Variants in TOE1 observed in about 807,000 individuals in gnomAD.
TOE1 encodes target of EGR1 protein 1.
TOE1 carries 50 observed loss-of-function variants against 49.2 expected under a neutral mutation model. That is an observed-to-expected ratio of 1.02 (90% CI 0.81 to 1.29). The LOEUF (loss-of-function observed/expected upper bound fraction) is 1.29. TOE1 is among the 50% of genes most tolerant of loss of function. TOE1 has a pLI of 0.00. For synonymous variants in TOE1, 221 were observed against 247.0 expected (o/e 0.89, Z 0.99); for missense variants, 544 against 654.4 (o/e 0.83, Z 1.84).
At chr1:45,342,729 G>A (rs1647061938) in intron 6 of TOE1, 86 bp downstream of exon 6, 2 of 1,599,192 alleles carry the variant, frequency 1.3e-6, no homozygotes, top group Non-Finnish European at 1.7e-6. Flanking sequence ...CCTACCATGT[G>A]CCCAGGCAGT....
chr1:45,340,299 C>T lies in TOE1; in HGVS notation c.47C>T (p.Ser16Phe). Residue 16 changes from serine (S) to phenylalanine (F), a missense_variant, in exon 1 of 8, where the codon TCC (serine) becomes TTC (phenylalanine). Coordinates refer to ENST00000372090, the MANE Select transcript of TOE1 (RefSeq NM_025077.4). ...GGCGCAGTTTCAGCTCCCGCAGCTT[C>T]CGACGGTGAGCGGCTTCCCAGAGGT... ...DDGAVSAPAA[S>F]DGGVSKSTTS... The T allele has an allele frequency of 6.2e-7, 1 of 1,613,092 alleles. No individual in the cohort carries two copies. Among genetic ancestry groups the T allele is most frequent in the South Asian group, 1.1e-5 (1 of 90,884 alleles).
At chr1:45,340,360 G>A in intron 1 of TOE1, 56 bp downstream of exon 1, 1 of 1,574,202 alleles carries the variant, frequency 6.4e-7, no homozygotes, top group Non-Finnish European at 8.6e-7. Context: ...GAGAGGGGAA[G>A]GCCTCGGGCT....
chr1:45,341,836 C>T (rs1647006390), intron 4 of TOE1, 113 bp from the exon 5 acceptor site: 7 of 1,174,724 alleles, frequency 6.0e-6, no homozygotes, highest in Non-Finnish European at 8.6e-6. Flanking sequence ...CCTCACCTGC[C>T]TCCATCCTTT....
intron 6 of TOE1, 73 bp from the exon 7 acceptor site, chr1:45,342,770 A>G: frequency 6.2e-7 from 1 of 1,606,684 alleles, no homozygotes; most frequent in African/African-American, 1.3e-5. Flanking sequence ...AGCAGTGAAC[A>G]AAACAGACCA....
At chr1:45,342,261 T>A in intron 5 of TOE1, 123 bp from the exon 6 acceptor site, 1 of 1,498,620 alleles carries the variant, frequency 6.7e-7, no homozygotes, top group Non-Finnish European at 9.1e-7. Flanking sequence ...ATGAGGAGGG[T>A]GGGCAGCATT....
intron 2 of TOE1, 33 bp from the exon 3 acceptor site, chr1:45,341,270 G>T (rs747194106): frequency 7.4e-6 from 12 of 1,614,176 alleles, no homozygotes; most frequent in Middle Eastern, 1.6e-4. Context: ...GGTGCTAGAG[G>T]CCTGTCACAA....
Position 45,343,721 on chromosome 1 carries a change from C to G in TOE1, c.*19C>G. 1 of 1,597,240 alleles carries G rather than the reference C, an allele frequency of 6.3e-7. No individual in the cohort carries two copies. On this transcript the variant is annotated 3_prime_UTR_variant, in exon 8 of 8. Transcript: ENST00000372090. The surrounding 1 kb of genome is among the most constrained non-coding windows in gnomAD (Gnocchi z 4.3). The stretch of plus-strand genomic sequence containing the variant: ...TAGCTGATGCAACTTCCACCTTGCT[C>G]TCAGGTGGAACAGAGGTATTTTGGG...
chr1:45,342,883 C>T lies in TOE1; in HGVS notation c.793C>T (p.His265Tyr). 1.2e-6 allele frequency: 2 copies of T among 1,614,080 alleles called. No homozygotes were observed. The highest frequency in any genetic ancestry group is 1.7e-6 in the Non-Finnish European group (2 of 1,180,022). Residue 265 changes from histidine to tyrosine, a missense_variant, in exon 7 of 8, where the codon CAC becomes TAC. Physicochemically the swap from His to Tyr is moderately conservative, Grantham distance 83 (BLOSUM62 2). Transcript: ENST00000372090. The part of the protein sequence containing the change: ...NGKQRAAGSP[H>Y]LTLEFCNYPS... Reference sequence around the variant, plus strand: ...GAAGCAGCGGGCAGCTGGCAGCCCACACCTTACCCTGGAGTTCTGCAACTA... The same window carrying T: ...GAAGCAGCGGGCAGCTGGCAGCCCATACCTTACCCTGGAGTTCTGCAACTA...
Position 45,342,536 on chromosome 1 carries a change from C to T in TOE1, c.645C>T (p.Thr215=), listed in dbSNP as rs932453883. ...AHLPESLGTF[T]ADLCEMFPAG... ...TCCCTGAGAGTCTGGGAACCTTCAC[C>T]GCTGACCTGTGTGAGATGTTCCCAG... is the stretch of plus-strand genomic sequence containing the variant. Residue 215 remains threonine, a synonymous_variant, in exon 6 of 8, where the codon ACC becomes ACT. Transcript: ENST00000372090. 2.0e-5 allele frequency: 33 copies of T among 1,614,044 alleles called. No individual in the cohort carries two copies. The highest frequency in any genetic ancestry group is 4.0e-5 in the African/African-American group (3 of 74,884).
intron 6 of TOE1, 87 bp downstream of exon 6, chr1:45,342,730 C>A: frequency 6.3e-7 from 1 of 1,598,740 alleles, no homozygotes; most frequent in East Asian, 2.2e-5. Flanking sequence ...CTACCATGTG[C>A]CCAGGCAGTG....
Position 45,342,400 on chromosome 1 carries a change from G to A in TOE1, c.509G>A (p.Ser170Asn), listed in dbSNP as rs1441675949. 6 of 1,614,036 alleles carry A rather than the reference G, an allele frequency of 3.7e-6. No homozygotes were observed. The highest frequency in any genetic ancestry group is 1.7e-5 in the Admixed American group (1 of 60,008). Reference protein sequence around the residue: ...KGNDKGDESQSQSVRTLFLEL... With the variant: ...KGNDKGDESQNQSVRTLFLEL... ...TTCATCTAGGGTGATGAGAGCCAGA[G>A]CCAGTCAGTACGGACCCTATTCCTG... Residue 170 changes from serine to asparagine, a missense_variant, in exon 6 of 8, where the codon AGC becomes AAC. By Grantham distance (46) the Ser-to-Asn change is conservative. Coordinates refer to ENST00000372090, the MANE Select transcript of TOE1 (RefSeq NM_025077.4).
In TOE1 at chr1:45,343,927, G is replaced by A; in HGVS notation, c.*225G>A. 2.4e-5 allele frequency: 10 copies of A among 420,278 alleles called. No homozygotes were observed. Among genetic ancestry groups the A allele is most frequent in the South Asian group, 1.8e-4 (3 of 16,898 alleles). The allele number at this position is 420,278 out of a possible 1,614,324, so 26.0% of individuals were successfully genotyped here. A position where few individuals can be genotyped will look rare whatever the true frequency, so the allele number is the denominator to read the frequency against. On this transcript the variant is annotated 3_prime_UTR_variant, in exon 8 of 8. Transcript: ENST00000372090. This position sits in a 1 kb window ranked among gnomAD's most constrained non-coding sequence, Gnocchi z 4.3. ...ATTTTTAAGTCTGAAAATGTCTTGG[G>A]AAAGTTTTACAAAAAAAAAAATCAA...
rs1330063571 is a variant in TOE1, at chr1:45,341,324, A to G, written c.217A>G (p.Arg73Gly). 2 of 1,614,092 alleles carry G rather than the reference A, an allele frequency of 1.2e-6. No individual in the cohort carries two copies. Among genetic ancestry groups the G allele is most frequent in the South Asian group, 2.2e-5 (2 of 91,088 alleles). Residue 73 changes from arginine (R) to glycine (G), a missense_variant, in exon 3 of 8, where the codon AGG becomes GGG. Transcript: ENST00000372090. ...VDTELSGLGD[R>G]KSLLNQCIEE... ...ACAGGAGCTGAGTGGGCTTGGGGAC[A>G]GGAAGAGTTTGCTGAACCAGTAAGT...
Position 45,343,867 on chromosome 1 carries a change from TAAG to T in TOE1, c.*169_*171del. 1 of 735,130 alleles carries T rather than the reference TAAG, an allele frequency of 1.4e-6. No individual in the cohort carries two copies. The highest frequency in any genetic ancestry group is 2.2e-6 in the Non-Finnish European group (1 of 460,208). 45.5% of individuals were successfully genotyped at this position (735,130 alleles called of 1,614,324 possible). ...TTTATCCCAGTGTTTGAGGTACAAG[TAAG>T]AAGGCTGACCAGCACCTGTAACACT... On this transcript the variant is annotated 3_prime_UTR_variant, in exon 8 of 8. Transcript: ENST00000372090. This position sits in a 1 kb window ranked among gnomAD's most constrained non-coding sequence, Gnocchi z 4.3.
Position 45,341,995 on chromosome 1 carries a change from G to A in TOE1, c.380G>A (p.Cys127Tyr). The part of the protein sequence containing the change: ...LAQVFNLTLL[C>Y]MEEYVIEPKS... ...CAAGTGTTCAATCTCACTCTGCTGT[G>A]CATGGAGGAGTATGTCATAGAACCA... Residue 127 changes from cysteine to tyrosine, a missense_variant, in exon 5 of 8, where the codon TGC (cysteine) becomes TAC (tyrosine). Physicochemically the swap from Cys to Tyr is radical, Grantham distance 194. Coordinates refer to ENST00000372090, the MANE Select transcript of TOE1 (RefSeq NM_025077.4). 6.2e-7 allele frequency: 1 copy of A among 1,614,082 alleles called. No homozygotes were observed. Among genetic ancestry groups the A allele is most frequent in the Non-Finnish European group, 8.5e-7 (1 of 1,179,980 alleles).
At chr1:45,341,407 C>G in intron 3 of TOE1, 64 bp downstream of exon 3, 1 of 1,614,038 alleles carries the variant, frequency 6.2e-7, no homozygotes. Context: ...GGTCACAGAC[C>G]TGGGTGGTTT....
At chr1:45,340,483 G>A in intron 1 of TOE1, 179 bp downstream of exon 1, 1 of 1,460,334 alleles carries the variant, frequency 6.8e-7, no homozygotes. Context: ...AAAGCCTGGA[G>A]CGTTGGGAGC....
chr1:45,341,628 T>A, intron 4 of TOE1, 59 bp downstream of exon 4: 6 of 1,458,250 alleles, frequency 4.1e-6, no homozygotes, highest in Non-Finnish European at 5.7e-6. Context: ...GTAGAGAGAT[T>A]CTAGGGAACA....
rs147857497 is a variant in TOE1 at position 45,343,369 on chromosome 1, A to G, written c.1200A>G (p.Lys400=). 2 of 1,613,912 alleles carry G rather than the reference A, an allele frequency of 1.2e-6. No individual in the cohort carries two copies. Among genetic ancestry groups the G allele is most frequent in the African/African-American group, 2.7e-5 (2 of 74,878 alleles). The change falls in exon 8 of 8, where the codon AAA becomes AAG. Residue 400 remains lysine (K), a synonymous_variant. Transcript: ENST00000372090. The surrounding 1 kb of genome is among the most constrained non-coding windows in gnomAD (Gnocchi z 4.3). Reference sequence around the variant, plus strand: ...TGCCTCACTCCAAGCAAGGCAACAAAAATGACTTAGAGATGGGGATTAAGG... The same window carrying G: ...TGCCTCACTCCAAGCAAGGCAACAAGAATGACTTAGAGATGGGGATTAAGG... ...RNLPHSKQGN[K]NDLEMGIKAA...
Sources: gnomAD v4.1 joint callset for allele counts on GRCh38, gnomAD v4.1.1 for gene constraint, Gnocchi (gnomAD v3.1) non-coding constraint, MANE v1.5 for transcripts, NCBI Gene and HGNC (gene_info 2026-07-23, HGNC 2026-07-21) for gene names.